CDH12: variants seen among roughly 807,000 people sequenced by gnomAD.
The protein encoded by CDH12 is cadherin 12.
Under a neutral mutation model 74.1 loss-of-function variants are expected in CDH12, and 41 were observed. That is an observed-to-expected ratio of 0.55 (90% CI 0.43 to 0.72). The LOEUF is 0.72. Among genes scored for constraint, CDH12 ranks in the 30% least tolerant of loss-of-function variants. CDH12 has a pLI of 0.00. For missense variants in CDH12, 945 were observed against 977.2 expected (o/e 0.97, Z 0.44); for synonymous variants, 399 against 355.0 (o/e 1.12, Z -1.39).
chr5:22,119,500 G>A (rs940617425), intron 4 of CDH12, among the ~76,000 whole-genome samples: 1 of 151,964 alleles, frequency 6.6e-6, no homozygotes, highest in African/African-American at 2.4e-5. Flanking sequence ...ATGTTGGCCA[G>A]GCTGGTCTCA....
chr5:22,717,296 T>C (rs181398091), intron 1 of CDH12, among the ~76,000 whole-genome samples: 1 of 152,278 alleles, frequency 6.6e-6, no homozygotes, highest in Admixed American at 6.5e-5. Context: ...AATGTTTAAA[T>C]ACACAAAAAT....
chr5:22,136,311 G>A (rs1341176289), intron 4 of CDH12, among the ~76,000 whole-genome samples: 1 of 151,826 alleles, frequency 6.6e-6, no homozygotes, highest in Non-Finnish European at 1.5e-5. Flanking sequence ...TGTGGAGTGA[G>A]GTTACCCTAA....
At chr5:22,440,914 C>A (rs551959348) in intron 2 of CDH12, among the ~76,000 whole-genome samples, 1 of 152,062 alleles carries the variant, frequency 6.6e-6, no homozygotes, top group South Asian at 2.1e-4. Flanking sequence ...TTTAAGCAAG[C>A]CATTAATCAG....
chr5:22,033,066 A>G (rs1580143634), intron 5 of CDH12, among the ~76,000 whole-genome samples: 1 of 150,436 alleles, frequency 6.6e-6, no homozygotes, highest in South Asian at 2.1e-4. Context: ...GGCCAGGCTG[A>G]CTCAGACTAT....
At chr5:21,899,327 T>C (rs1326690944) in intron 6 of CDH12, among the ~76,000 whole-genome samples, 1 of 152,200 alleles carries the variant, frequency 6.6e-6, no homozygotes, top group African/African-American at 2.4e-5. Context: ...CTGATTTACC[T>C]TGCATTCCTC....
chr5:22,672,471 T>A (rs1454369059), intron 1 of CDH12, among the ~76,000 whole-genome samples: 1 of 152,014 alleles, frequency 6.6e-6, no homozygotes, highest in East Asian at 1.9e-4. Flanking sequence ...TGGTTAGTTA[T>A]CTTGGGACTA....
At chr5:22,523,467 C>T (rs1002157552) in intron 1 of CDH12, among the ~76,000 whole-genome samples, 2 of 152,156 alleles carry the variant, frequency 1.3e-5, no homozygotes, top group Non-Finnish European at 2.9e-5. Flanking sequence ...CTGTCTGAAG[C>T]TCACATTTCA....
intron 6 of CDH12, among the ~76,000 whole-genome samples, chr5:21,916,984 A>G (rs1442906075): frequency 1.9e-4 from 29 of 152,202 alleles, no homozygotes; most frequent in Admixed American, 1.9e-3. Flanking sequence ...CCTGGCTCTT[A>G]GGCAGTGGCA....
At chr5:22,710,087 G>A (rs1561593876) in intron 1 of CDH12, among the ~76,000 whole-genome samples, 1 of 152,092 alleles carries the variant, frequency 6.6e-6, no homozygotes, top group Non-Finnish European at 1.5e-5. Context: ...CTTAAGCCTA[G>A]ACTGCTACAT....
intron 1 of CDH12, among the ~76,000 whole-genome samples, chr5:22,827,045 G>C (rs370761796): frequency 3.3e-5 from 5 of 152,270 alleles, no homozygotes; most frequent in Non-Finnish European, 5.9e-5. Context: ...AGCCCCTCCC[G>C]TTACAGGCCC....
chr5:22,747,793 T>C (rs1005963861), intron 1 of CDH12, among the ~76,000 whole-genome samples: 9 of 152,146 alleles, frequency 5.9e-5, no homozygotes, highest in African/African-American at 2.2e-4. Context: ...TGCAGCAAAA[T>C]AGAATTAAAA....
At chr5:22,208,671 T>C (rs1253162454) in intron 4 of CDH12, among the ~76,000 whole-genome samples, 1 of 152,214 alleles carries the variant, frequency 6.6e-6, no homozygotes, top group Non-Finnish European at 1.5e-5. Flanking sequence ...TGGTGGTCAT[T>C]GGCCAGTCTA....
intron 3 of CDH12, among the ~76,000 whole-genome samples, chr5:22,378,680 A>C (rs373627726): frequency 1.7e-4 from 26 of 152,226 alleles, no homozygotes; most frequent in African/African-American, 6.0e-4. Flanking sequence ...GTGTCTCTTT[A>C]TATGAGCCAA....
intron 1 of CDH12, among the ~76,000 whole-genome samples, chr5:22,549,431 T>C (rs1738470143): frequency 6.6e-6 from 1 of 152,180 alleles, no homozygotes; most frequent in Admixed American, 6.5e-5. Context: ...CATTTCTATA[T>C]ATAAAGTCTC....
intron 4 of CDH12, among the ~76,000 whole-genome samples, chr5:22,115,153 C>G (rs1745016003): frequency 6.6e-6 from 1 of 152,076 alleles, no homozygotes; most frequent in Non-Finnish European, 1.5e-5. Flanking sequence ...AATCTTAATG[C>G]TCTTGATAGT....
intron 6 of CDH12, among the ~76,000 whole-genome samples, chr5:21,864,907 T>C (rs780858104): frequency 1.3e-5 from 2 of 152,158 alleles, no homozygotes; most frequent in African/African-American, 2.4e-5. Flanking sequence ...CAGTCTGAGA[T>C]GGAACTTAAG....
chr5:22,629,198 A>G (rs532564165), intron 1 of CDH12, among the ~76,000 whole-genome samples: 2 of 152,138 alleles, frequency 1.3e-5, no homozygotes, highest in South Asian at 4.1e-4. Context: ...CATTTCTACT[A>G]AAACTATTTC....
rs556471375 is a variant in CDH12 at position 22,477,794 on chromosome 5, T to G, written c.-428+27476A>C. ...CATGAGCAATAAGGACGCTTAGGAT[T>G]CCAACTCTTTCACCTACACTGATTA... On this transcript the variant is annotated intron_variant, in intron 2 of 14. Coordinates refer to ENST00000382254, the MANE Select transcript of CDH12 (RefSeq NM_004061.5). Among the ~76,000 whole-genome samples the G allele has an allele frequency of 2.5e-4, 38 of 152,264 alleles. No individual in the cohort carries two copies. In the South Asian group the frequency reaches 7.9e-3, roughly 32 times the overall value.
At chr5:22,259,406 A>G (rs1216230055) in intron 3 of CDH12, among the ~76,000 whole-genome samples, 1 of 152,086 alleles carries the variant, frequency 6.6e-6, no homozygotes, top group Non-Finnish European at 1.5e-5. Flanking sequence ...ACGGAATTAT[A>G]TTACTCTTGT....
Sources: allele counts gnomAD v4.1 joint callset (sites outside exome capture counted in the v4.1 genomes callset), GRCh38; gene constraint gnomAD v4.1.1; transcripts MANE v1.5; gene names NCBI Gene and HGNC (gene_info 2026-07-23, HGNC 2026-07-21).